TENM4: variants seen among roughly 807,000 people sequenced by gnomAD.
The protein encoded by TENM4 is teneurin-4.
TENM4 carries 82 observed loss-of-function variants against 243.3 expected under a neutral mutation model. The observed-to-expected ratio is 0.34, with a 90% confidence interval of 0.28 to 0.40. The LOEUF is 0.40. Ranked by LOEUF, TENM4 falls within the 10% of genes least tolerant of loss-of-function variation. The probability of loss-of-function intolerance (pLI) is 1.00; values close to 1 mark genes in which losing one functional copy is unlikely to be tolerated. For synonymous variants in TENM4, 1,412 were observed against 1,456.3 expected, an observed-to-expected ratio of 0.97 and a Z score of 0.69; for missense variants, 3,138 against 3,673.3, an observed-to-expected ratio of 0.85 and a Z score of 3.77.
chr11:79,289,752 C>T (rs1856322039), intron 2 of TENM4, among the ~76,000 whole-genome samples: 1 of 152,166 alleles, frequency 6.6e-6, no homozygotes, highest in Non-Finnish European at 1.5e-5. Flanking sequence ...ACAAACTATA[C>T]CTCTCTCTGC....
At chr11:78,837,440 T>C (rs540072893) in intron 12 of TENM4, among the ~76,000 whole-genome samples, 1 of 152,352 alleles carries the variant, frequency 6.6e-6, no homozygotes, top group East Asian at 1.9e-4. Flanking sequence ...TATGTCTTTA[T>C]GAGCAGCATG....
At chr11:78,898,868 T>C (rs142192743) in intron 7 of TENM4, among the ~76,000 whole-genome samples, 1 of 152,306 alleles carries the variant, frequency 6.6e-6, no homozygotes, top group African/African-American at 2.4e-5. Flanking sequence ...AGACACATAG[T>C]AGACACTCAG....
At chr11:78,860,277 A>C (rs1247305330) in intron 10 of TENM4, among the ~76,000 whole-genome samples, 2 of 152,214 alleles carry the variant, frequency 1.3e-5, no homozygotes, top group African/African-American at 4.8e-5. Context: ...TGCCACTTCA[A>C]CATTAGGCTT....
At chr11:78,933,985 T>A (rs1856727064) in intron 6 of TENM4, among the ~76,000 whole-genome samples, 1 of 152,172 alleles carries the variant, frequency 6.6e-6, no homozygotes, top group African/African-American at 2.4e-5. Flanking sequence ...TCCTGGGGAT[T>A]CTAGCACAAG....
intron 29 of TENM4, among the ~76,000 whole-genome samples, chr11:78,676,861 T>G (rs1246955268): frequency 6.6e-6 from 1 of 152,238 alleles, no homozygotes; most frequent in Non-Finnish European, 1.5e-5. Context: ...GTTTAAACAT[T>G]ATTCTAAGTG....
At chr11:78,758,330 G>A (rs1015124308) in intron 18 of TENM4, among the ~76,000 whole-genome samples, 4 of 152,228 alleles carry the variant, frequency 2.6e-5, no homozygotes, top group Admixed American at 1.3e-4. Flanking sequence ...GAATTAAATA[G>A]TGAAGCAGGG....
chr11:78,924,771 C>A (rs1307808561), intron 6 of TENM4: 1 of 152,200 alleles, frequency 6.6e-6, no homozygotes, highest in Non-Finnish European at 1.5e-5. Context: ...CAGCAGAAAT[C>A]ATTTTTTAAA....
intron 1 of TENM4, among the ~76,000 whole-genome samples, chr11:79,369,121 T>C (rs1857732252): frequency 6.6e-6 from 1 of 152,110 alleles, no homozygotes; most frequent in African/African-American, 2.4e-5. Flanking sequence ...GACCACATCC[T>C]AGCTGAGAAT....
At chr11:79,436,658 G>C (rs1276456753) in intron 1 of TENM4, among the ~76,000 whole-genome samples, 1 of 152,168 alleles carries the variant, frequency 6.6e-6, no homozygotes, top group Admixed American at 6.5e-5. Flanking sequence ...GATGGTTCTT[G>C]TTCAGACCAA....
intron 13 of TENM4, among the ~76,000 whole-genome samples, chr11:78,813,249 A>G (rs1857536376): frequency 6.6e-6 from 1 of 152,158 alleles, no homozygotes; most frequent in Admixed American, 6.5e-5. Context: ...CGCAGCCTGG[A>G]AAATCATCTC....
At chr11:79,200,812 A>G (rs1334081564) in intron 3 of TENM4, among the ~76,000 whole-genome samples, 2 of 152,192 alleles carry the variant, frequency 1.3e-5, no homozygotes, top group Admixed American at 1.3e-4. Flanking sequence ...TTCTGTCCAT[A>G]CTAGGGGATT....
At chr11:78,783,161 A>G (rs1253405935) in intron 16 of TENM4, among the ~76,000 whole-genome samples, 1 of 152,210 alleles carries the variant, frequency 6.6e-6, no homozygotes, top group Non-Finnish European at 1.5e-5. Flanking sequence ...ATAGGAAAAA[A>G]ATTAAACGCC....
chr11:78,853,088 A>G (rs1858581560), intron 12 of TENM4, among the ~76,000 whole-genome samples: 1 of 151,480 alleles, frequency 6.6e-6, no homozygotes, highest in Admixed American at 6.5e-5. Flanking sequence ...CCATTTTTCC[A>G]TGTCAGAGAG....
At chr11:78,976,706 T>C (rs1857664207) in intron 6 of TENM4, among the ~76,000 whole-genome samples, 2 of 152,172 alleles carry the variant, frequency 1.3e-5, no homozygotes. Context: ...TGTAGAGAAA[T>C]GGCTTTCCAA....
intron 1 of TENM4, among the ~76,000 whole-genome samples, chr11:79,385,279 C>T (rs1590928363): frequency 6.6e-6 from 1 of 152,308 alleles, no homozygotes; most frequent in Admixed American, 6.5e-5. Context: ...TCAAAGTTCC[C>T]TTCATGGTGT....
chr11:79,092,985 C>T (rs1396264473), intron 4 of TENM4: 4 of 152,224 alleles, frequency 2.6e-5, no homozygotes, highest in Non-Finnish European at 5.9e-5. Flanking sequence ...AACAGAATTA[C>T]ATGTCAAGAG....
At chr11:78,728,424 C>A (rs1855573509) in intron 22 of TENM4, among the ~76,000 whole-genome samples, 1 of 152,058 alleles carries the variant, frequency 6.6e-6, no homozygotes, top group Non-Finnish European at 1.5e-5. Flanking sequence ...GGTGCTCAAG[C>A]AACATTCTTT....
At chr11:79,160,521 G>A (rs569935274) in intron 3 of TENM4, among the ~76,000 whole-genome samples, 8 of 152,158 alleles carry the variant, frequency 5.3e-5, no homozygotes, top group South Asian at 2.1e-4. Flanking sequence ...GGGGCATCTC[G>A]GAGAGCAGCA....
At chr11:79,094,312 C>A (rs1250298347) in intron 4 of TENM4, among the ~76,000 whole-genome samples, 1 of 152,114 alleles carries the variant, frequency 6.6e-6, no homozygotes, top group African/African-American at 2.4e-5. Flanking sequence ...GCCCATTTAT[C>A]CCTCACAGCA....
Sources: gnomAD v4.1 joint callset for allele counts (sites outside exome capture counted in the v4.1 genomes callset) on GRCh38, gnomAD v4.1.1 for gene constraint, MANE v1.5 for transcripts, NCBI Gene and HGNC (gene_info 2026-07-23, HGNC 2026-07-21) for gene names.